Variants in CREB5 observed in about 807,000 individuals in gnomAD.
CREB5 encodes the protein cyclic AMP-responsive element-binding protein 5.
In CREB5, 19 loss-of-function variants were observed where a neutral mutation model predicts 57.1. The observed-to-expected ratio is 0.33, with a 90% CI of 0.23 to 0.49. The LOEUF (loss-of-function observed/expected upper bound fraction) is 0.49, where lower values mean the gene tolerates loss of function less well. Ranked by LOEUF, CREB5 falls within the 20% of genes least tolerant of loss-of-function variation. The pLI is 0.99. For synonymous variants in CREB5, 238 were observed against 238.3 expected (o/e 1.00, Z 0.01); for missense variants, 579 against 671.6 (o/e 0.86, Z 1.52).
intron 7 of CREB5, among the ~76,000 whole-genome samples, chr7:28,732,554 G>C (rs1449600965): frequency 6.7e-6 from 1 of 150,116 alleles, no homozygotes; most frequent in Non-Finnish European, 1.5e-5. Flanking sequence ...GAAAAGCCAG[G>C]AAAAAAAAAG....
chr7:28,637,533 A>C (rs1323773214), intron 5 of CREB5, among the ~76,000 whole-genome samples: 2 of 152,174 alleles, frequency 1.3e-5, no homozygotes, highest in African/African-American at 4.8e-5. Context: ...GAGGGGCAGA[A>C]GGGGAGGGAG....
At position 28,540,067 on chromosome 7, in the gene CREB5, G is replaced by A. The variant is rs149563010; in HGVS notation, c.292-30298G>A. On this transcript the variant is annotated intron_variant, in intron 4 of 10. Transcript: ENST00000357727. ...AGACTAGTTTATATTTTTAAGGAAC[G>A]TTGAAGACTTTAGCATATTTTATAA... 2.6e-4 allele frequency among the ~76,000 whole-genome samples: 40 copies of A among 152,246 alleles called. 1 individual carries two copies. The highest frequency in any genetic ancestry group is 7.9e-4 in the African/African-American group (33 of 41,550).
intron 9 of CREB5, among the ~76,000 whole-genome samples, chr7:28,816,225 A>G (rs997798666): frequency 1.3e-5 from 2 of 152,188 alleles, no homozygotes; most frequent in African/African-American, 4.8e-5. Flanking sequence ...AAAAAGAAGG[A>G]AGGCCATCTG....
rs1388491335 is a variant in CREB5, at chr7:28,560,881, TGC to T, written c.292-9482_292-9481del. Among the ~76,000 whole-genome samples the T allele has an allele frequency of 2.0e-3, 93 of 46,226 alleles. 14 individuals carry two copies. The highest frequency in any genetic ancestry group is 2.7e-3 in the Non-Finnish European group (66 of 24,646). 30.3% of individuals were successfully genotyped at this position (46,226 alleles called of 152,430 possible). A position where few individuals can be genotyped will look rare whatever the true frequency, so the allele number is the denominator to read the frequency against. The stretch of plus-strand genomic sequence containing the variant: ...GTGCGTGTGCCTGCGTGCGCGTGCG[TGC>T]GTGCGTGTGTGTGCGTGCGCGCGTG... On this transcript the variant is annotated intron_variant, in intron 4 of 10. Transcript: ENST00000357727.
intron 1 of CREB5, among the ~76,000 whole-genome samples, chr7:28,326,612 C>G (rs1482530073): frequency 6.6e-6 from 1 of 152,174 alleles, no homozygotes; most frequent in Non-Finnish European, 1.5e-5. Context: ...GCATAGACAC[C>G]AGTGAACAAG....
At chr7:28,817,612 G>A (rs1809512524) in intron 9 of CREB5, among the ~76,000 whole-genome samples, 1 of 152,184 alleles carries the variant, frequency 6.6e-6, no homozygotes, top group Non-Finnish European at 1.5e-5. Flanking sequence ...ATAGTTAAAT[G>A]TATTAAGTCC....
intron 1 of CREB5, among the ~76,000 whole-genome samples, chr7:28,456,953 T>C (rs1790119079): frequency 6.6e-6 from 1 of 152,230 alleles, no homozygotes; most frequent in African/African-American, 2.4e-5. Context: ...AGTTGGTTCA[T>C]GGTTCTGGAG....
intron 1 of CREB5, among the ~76,000 whole-genome samples, chr7:28,451,944 A>G (rs1789837123): frequency 6.6e-6 from 1 of 152,184 alleles, no homozygotes; most frequent in East Asian, 1.9e-4. Context: ...CATATTGACA[A>G]CAATGGAAGT....
chr7:28,370,194 G>A (rs758026873), intron 1 of CREB5, among the ~76,000 whole-genome samples: 12 of 152,174 alleles, frequency 7.9e-5, no homozygotes, highest in Non-Finnish European at 1.6e-4. Flanking sequence ...GAATTTAAAC[G>A]CTCAGGCCTT....
At chr7:28,302,130 T>C (rs927673476) in intron 1 of CREB5, among the ~76,000 whole-genome samples, 21 of 152,240 alleles carry the variant, frequency 1.4e-4, no homozygotes, top group African/African-American at 4.1e-4. Flanking sequence ...TTATTTAAGC[T>C]AAAAATAACA....
intron 4 of CREB5, among the ~76,000 whole-genome samples, chr7:28,524,661 C>T (rs532111011): frequency 6.6e-5 from 10 of 152,092 alleles, no homozygotes; most frequent in Middle Eastern, 3.4e-3. Flanking sequence ...TTCATTCAAC[C>T]GTTTTTGTGA....
intron 4 of CREB5, among the ~76,000 whole-genome samples, chr7:28,556,540 A>G (rs542715991): frequency 6.3e-4 from 96 of 152,142 alleles, no homozygotes; most frequent in Admixed American, 1.2e-3. Context: ...AGGTTGATGG[A>G]TGATTTTTTA....
chr7:28,733,115 A>C (rs1369928818), intron 7 of CREB5, among the ~76,000 whole-genome samples: 1 of 152,106 alleles, frequency 6.6e-6, no homozygotes, highest in Non-Finnish European at 1.5e-5. Context: ...TTCAAGGAGG[A>C]TGAGATTTTA....
intron 4 of CREB5, among the ~76,000 whole-genome samples, chr7:28,552,219 G>A (rs143615796): frequency 6.6e-6 from 1 of 152,086 alleles, no homozygotes; most frequent in Admixed American, 6.5e-5. Context: ...TGTATATTTT[G>A]TAGAGACGGG....
At chr7:28,342,818 T>C (rs1395548607) in intron 1 of CREB5, among the ~76,000 whole-genome samples, 2 of 152,266 alleles carry the variant, frequency 1.3e-5, no homozygotes, top group Non-Finnish European at 2.9e-5. Context: ...CAATGTGATG[T>C]TTTGATAATG....
chr7:28,443,704 C>T (rs1410523924), intron 1 of CREB5, among the ~76,000 whole-genome samples: 5 of 152,128 alleles, frequency 3.3e-5, no homozygotes, highest in Non-Finnish European at 7.4e-5. Flanking sequence ...TAACTTGTCC[C>T]CTTACCCACT....
intron 5 of CREB5, among the ~76,000 whole-genome samples, chr7:28,715,795 C>A (rs1019596853): frequency 4.6e-5 from 7 of 152,162 alleles, no homozygotes; most frequent in African/African-American, 1.4e-4. Flanking sequence ...AGAATCCAAA[C>A]ATATAGGGAT....
intron 3 of CREB5, among the ~76,000 whole-genome samples, chr7:28,497,160 A>C (rs946930201): frequency 6.6e-6 from 1 of 152,266 alleles, no homozygotes; most frequent in Non-Finnish European, 1.5e-5. Flanking sequence ...GATTACTACT[A>C]CAGTGTAAGT....
chr7:28,819,300 C>A lies in CREB5; in HGVS notation c.*21C>A. On this transcript the variant is annotated 3_prime_UTR_variant, in exon 11 of 11. Transcript: ENST00000357727. Reference sequence around the variant, plus strand: ...TTTAAAATGCACCATCAGACCTGGCCTCCAAGAAGAGCTGTAGCGTACCAT... The same window carrying A: ...TTTAAAATGCACCATCAGACCTGGCATCCAAGAAGAGCTGTAGCGTACCAT... 1.2e-6 allele frequency: 2 copies of A among 1,609,226 alleles called. No individual in the cohort carries two copies. Among genetic ancestry groups the A allele is most frequent in the Non-Finnish European group, 1.7e-6 (2 of 1,177,654 alleles).
Sources: allele counts gnomAD v4.1 joint callset (sites outside exome capture counted in the v4.1 genomes callset), GRCh38; gene constraint gnomAD v4.1.1; transcripts MANE v1.5; gene names NCBI Gene and HGNC (gene_info 2026-07-23, HGNC 2026-07-21).